GPLD1: variants seen among roughly 807,000 people sequenced by gnomAD.
The protein encoded by GPLD1 is phosphatidylinositol-glycan-specific phospholipase D.
In GPLD1, 84 loss-of-function variants were observed where a neutral mutation model predicts 112.6. That is an observed-to-expected ratio of 0.75 (90% CI 0.63 to 0.89). GPLD1 has a LOEUF of 0.89. Ranked by LOEUF, GPLD1 falls within the 40% of genes least tolerant of loss-of-function variation. The pLI is 0.00. For missense variants in GPLD1, 1,044 were observed against 1,051.5 expected, an observed-to-expected ratio of 0.99 and a Z score of 0.10; for synonymous variants, 386 against 403.8, an observed-to-expected ratio of 0.96 and a Z score of 0.53.
chr6:24,461,198 A>G (rs1227876937), intron 11 of GPLD1, among the ~76,000 whole-genome samples: 2 of 152,212 alleles, frequency 1.3e-5, no homozygotes, highest in Non-Finnish European at 2.9e-5. Flanking sequence ...AACAGCCGTA[A>G]GTGACGGGGC....
chr6:24,447,644 A>C (rs1762952360), intron 17 of GPLD1, among the ~76,000 whole-genome samples: 1 of 152,152 alleles, frequency 6.6e-6, no homozygotes. Context: ...ACACTATGGG[A>C]ATAGTCTATT....
At position 24,428,773 on chromosome 6, in the gene GPLD1, C is replaced by T. The variant is rs914989142; in HGVS notation, c.*259G>A. The T allele has an allele frequency of 1.5e-5, 5 of 340,470 alleles. No individual in the cohort carries two copies. The highest frequency in any genetic ancestry group is 8.7e-5 in the South Asian group (1 of 11,536). 21.1% of individuals were successfully genotyped at this position (340,470 alleles called of 1,614,324 possible). A position where few individuals can be genotyped will look rare whatever the true frequency, so the allele number is the denominator to read the frequency against. On this transcript the variant is annotated 3_prime_UTR_variant, in exon 25 of 25. Transcript: ENST00000230036. ...AAGAAAGGTTTAGATGCAAAGGGAG[C>T]GAGGAAGTAAACTGTGGAAGGAGAC...
At chr6:24,478,788 T>C (rs1764106544) in intron 3 of GPLD1, among the ~76,000 whole-genome samples, 1 of 152,038 alleles carries the variant, frequency 6.6e-6, no homozygotes, top group Non-Finnish European at 1.5e-5. Context: ...CAGTAATCTC[T>C]CCCTCCCTTG....
rs1764009157 is a variant in GPLD1 at position 24,476,164 on chromosome 6, T to A, written c.330+17A>T. ...GTTTGGTGCTAAATATTTTAAGGAT[T>A]GGAGGACCACGCCTACCTTCTCCCA... On this transcript the variant is annotated intron_variant, in intron 4 of 24. Transcript: ENST00000230036. 2 of 1,350,308 alleles carry A rather than the reference T, an allele frequency of 1.5e-6. No individual in the cohort carries two copies. Among genetic ancestry groups the A allele is most frequent in the Non-Finnish European group, 2.1e-6 (2 of 959,856 alleles). 83.6% of individuals were successfully genotyped at this position (1,350,308 alleles called of 1,614,324 possible). A position where few individuals can be genotyped will look rare whatever the true frequency, so the allele number is the denominator to read the frequency against.
chr6:24,485,571 G>C lies in GPLD1; in HGVS notation c.153+504C>G, dbSNP rs747975739. Among the ~76,000 whole-genome samples, 11 of 151,910 alleles carry C rather than the reference G, an allele frequency of 7.2e-5. 1 individual carries two copies. Among genetic ancestry groups the C allele is most frequent in the Non-Finnish European group, 1.6e-4 (11 of 67,988 alleles). The stretch of plus-strand genomic sequence containing the variant: ...AAGATACCTATAAAATGTTCAAGTA[G>C]CACTTGGAAGAGACATATACCTTTT... On this transcript the variant is annotated intron_variant, in intron 2 of 24. Coordinates refer to ENST00000230036, the MANE Select transcript of GPLD1 (RefSeq NM_001503.4).
intron 22 of GPLD1, among the ~76,000 whole-genome samples, chr6:24,434,494 G>A (rs540238053): frequency 1.3e-5 from 2 of 152,192 alleles, no homozygotes; most frequent in Middle Eastern, 3.4e-3. Context: ...CTTAAGGGTA[G>A]GCTTTAGAAT....
intron 2 of GPLD1, among the ~76,000 whole-genome samples, chr6:24,484,131 G>A (rs969630886): frequency 2.2e-4 from 34 of 152,100 alleles, no homozygotes; most frequent in South Asian, 4.1e-4. Flanking sequence ...TAGCCAGGAT[G>A]GTCTTGATCT....
At chr6:24,485,585 CAT>C (rs1467066886) in intron 2 of GPLD1, among the ~76,000 whole-genome samples, 3 of 151,608 alleles carry the variant, frequency 2.0e-5, no homozygotes, top group Non-Finnish European at 4.4e-5. Flanking sequence ...TTGGAAGAGA[CAT>C]ATACCTTTTA....
At chr6:24,464,638 T>C (rs1301503860) in intron 10 of GPLD1, among the ~76,000 whole-genome samples, 4 of 152,226 alleles carry the variant, frequency 2.6e-5, no homozygotes, top group African/African-American at 9.6e-5. Context: ...TCACCCAGTA[T>C]AATATTCTGG....
chr6:24,485,508 T>C (rs16889387), intron 2 of GPLD1, among the ~76,000 whole-genome samples: 29,169 of 152,138 alleles, frequency 0.19, 3,092 homozygotes, highest in African/African-American at 0.28. Flanking sequence ...TTATGAGTCA[T>C]ATCATTAAAA....
At chr6:24,456,111 G>T (rs1763258600) in intron 13 of GPLD1, among the ~76,000 whole-genome samples, 1 of 152,124 alleles carries the variant, frequency 6.6e-6, no homozygotes, top group Non-Finnish European at 1.5e-5. Context: ...TAAAACAGTT[G>T]CAGAGGGCTG....
Position 24,454,010 on chromosome 6 carries a change from C to T in GPLD1, c.1335+5G>A, listed in dbSNP as rs753771214. On this transcript the variant is annotated splice_donor_5th_base_variant and intron_variant, in intron 14 of 24. Transcript: ENST00000230036. ...TAGAAGAGAAAGGATGAGATGGTGT[C>T]TCACCTGGAAGCCTTCAAGGATCCT... The T allele has an allele frequency of 2.5e-6, 4 of 1,593,598 alleles. No individual in the cohort carries two copies. In the South Asian group the frequency reaches 4.5e-5, roughly 18 times the overall value.
Position 24,460,995 on chromosome 6 carries a change from G to A in GPLD1, c.888-596C>T, listed in dbSNP as rs139450859. Among the ~76,000 whole-genome samples, 1,225 of 152,090 alleles carry A rather than the reference G, an allele frequency of 8.1e-3. 10 individuals are homozygous for A. The highest frequency in any genetic ancestry group is 0.016 in the South Asian group (78 of 4,810). ...TGAGCTCAGGTGATCCACCTGCCTC[G>A]GTCTCCCAAAGTGCTGGAATTACAG... On this transcript the variant is annotated intron_variant, in intron 11 of 24. Coordinates refer to ENST00000230036, the MANE Select transcript of GPLD1 (RefSeq NM_001503.4).
exon 1 of GPLD1, chr6:24,495,202 G>C: frequency 6.6e-7 from 1 of 1,506,722 alleles, no homozygotes; most frequent in Non-Finnish European, 8.8e-7. Flanking sequence ...GGCGGCCGCT[G>C]GCTCCCGGCC....
At chr6:24,489,361 GTCTT>G in intron 1 of GPLD1, 50 bp downstream of exon 1, 2 of 1,281,504 alleles carry the variant, frequency 1.6e-6, no homozygotes, top group Non-Finnish European at 2.3e-6. Flanking sequence ...CTTCCTTAAT[GTCTT>G]TGACAGATGT....
intron 14 of GPLD1, among the ~76,000 whole-genome samples, chr6:24,453,799 A>G (rs1172362973): frequency 6.6e-6 from 1 of 152,096 alleles, no homozygotes; most frequent in Non-Finnish European, 1.5e-5. Context: ...AGTTCTCAAT[A>G]GCATGTGTGT....
intron 10 of GPLD1, among the ~76,000 whole-genome samples, chr6:24,465,209 A>AAAAAAG (rs1763564090): frequency 2.3e-4 from 25 of 107,324 alleles, no homozygotes; most frequent in Non-Finnish European, 4.0e-4. Context: ...AAAAAAAAAA[A>AAAAAAG]AAAAGAAAAG....
rs72112585 is a variant in GPLD1, at chr6:24,427,845, C to CAAAAAAAA, written c.*1179_*1186dup. Among the ~76,000 whole-genome samples the CAAAAAAAA allele has an allele frequency of 8.0e-5, 7 of 87,580 alleles. No individual in the cohort carries two copies. The highest frequency in any genetic ancestry group is 2.1e-4 in the African/African-American group (4 of 18,654). The allele number at this position is 87,580 out of a possible 152,430, so 57.5% of individuals were successfully genotyped here. On this transcript the variant is annotated 3_prime_UTR_variant, in exon 25 of 25. Coordinates refer to ENST00000230036, the MANE Select transcript of GPLD1 (RefSeq NM_001503.4). ...TGGGCAACAGAGCAAGACTCCGTCTCAAAAAAAAAAAAAAAAAAAAAGGAC... is the reference window on the plus strand; with the variant it reads ...TGGGCAACAGAGCAAGACTCCGTCTCAAAAAAAAAAAAAAAAAAAAAAAAAAAAAGGAC...
chr6:24,448,416 C>T (rs1240765901), intron 15 of GPLD1, among the ~76,000 whole-genome samples: 2 of 151,612 alleles, frequency 1.3e-5, no homozygotes, highest in African/African-American at 2.4e-5. Context: ...CCTGTGTCCA[C>T]GAAAAAAACT....
Sources: gnomAD v4.1 joint callset for allele counts (sites outside exome capture counted in the v4.1 genomes callset) on GRCh38, gnomAD v4.1.1 for gene constraint, MANE v1.5 for transcripts, NCBI Gene and HGNC (gene_info 2026-07-23, HGNC 2026-07-21) for gene names.